The following PTER variants were observed in gnomAD, a reference collection of about 807,000 sequenced individuals.
The protein encoded by PTER is N-acetyltaurine hydrolase.
Under a neutral mutation model 29.6 loss-of-function variants are expected in PTER, and 38 were observed. The ratio of observed to expected loss-of-function variants is 1.28; its 90% CI spans 0.99 to 1.68. The LOEUF (loss-of-function observed/expected upper bound fraction) is 1.68, where lower values mean the gene tolerates loss of function less well. Ranked by LOEUF, PTER falls within the 40% of genes most tolerant of loss-of-function variation. The probability of loss-of-function intolerance (pLI) is 0.00; values close to 1 mark genes in which losing one functional copy is unlikely to be tolerated. For synonymous variants in PTER, 172 were observed against 154.5 expected (o/e 1.11, Z -0.84); for missense variants, 482 against 427.8 (o/e 1.13, Z -1.12).
At chr10:16,444,315 T>C (rs1467558899) in intron 1 of PTER, among the ~76,000 whole-genome samples, 3 of 151,318 alleles carry the variant, frequency 2.0e-5, no homozygotes. Context: ...TTTGAGACGG[T>C]GTCTTGCTCT....
chr10:16,483,448 G>A (rs539800220), intron 1 of PTER, among the ~76,000 whole-genome samples: 5 of 152,262 alleles, frequency 3.3e-5, no homozygotes, highest in East Asian at 1.9e-4. Context: ...CTATGAAGTC[G>A]TGTGAGTCAG....
intron 1 of PTER, among the ~76,000 whole-genome samples, chr10:16,482,003 A>G (rs1321705450): frequency 6.6e-6 from 1 of 152,216 alleles, no homozygotes; most frequent in Admixed American, 6.5e-5. Context: ...ATTGCCCTGT[A>G]TAGTGCCTGG....
downstream of PTER, chr10:16,514,750 C>G: frequency 3.3e-6 from 5 of 1,493,578 alleles, no homozygotes; most frequent in Non-Finnish European, 4.6e-6. Flanking sequence ...AATGAGAATT[C>G]TCAAGTTTTC....
intron 3 of PTER, among the ~76,000 whole-genome samples, chr10:16,503,265 C>CA (rs1458190309): frequency 6.6e-6 from 1 of 151,258 alleles, no homozygotes; most frequent in African/African-American, 2.4e-5. Context: ...CTTGCTCTGT[C>CA]ACCCAGGCTG....
chr10:16,466,547 G>A (rs1834840855), intron 1 of PTER, among the ~76,000 whole-genome samples: 2 of 152,100 alleles, frequency 1.3e-5, no homozygotes, highest in Admixed American at 6.5e-5. Context: ...GTAGAGATGG[G>A]GTCTTGCCAT....
intron 4 of PTER, among the ~76,000 whole-genome samples, chr10:16,510,294 C>T (rs1836762245): frequency 6.6e-6 from 1 of 152,192 alleles, no homozygotes. Flanking sequence ...AGAGAATAGT[C>T]AGGAAGCTGT....
intron 1 of PTER, among the ~76,000 whole-genome samples, chr10:16,444,225 A>T (rs1361156759): frequency 6.6e-6 from 1 of 151,284 alleles, no homozygotes; most frequent in African/African-American, 2.4e-5. Flanking sequence ...CAATCTCTTG[A>T]CTCGTGATCT....
intron 1 of PTER, among the ~76,000 whole-genome samples, chr10:16,449,247 C>T (rs1834117607): frequency 6.6e-6 from 1 of 152,140 alleles, no homozygotes; most frequent in Non-Finnish European, 1.5e-5. Flanking sequence ...CAGGGAGCCA[C>T]TGTGGGGATT....
chr10:16,491,057 G>C (rs1054514124), intron 3 of PTER, among the ~76,000 whole-genome samples: 1 of 151,364 alleles, frequency 6.6e-6, no homozygotes, highest in Non-Finnish European at 1.5e-5. Context: ...TTTCCATTTG[G>C]CTGCAGTTTC....
intron 4 of PTER, among the ~76,000 whole-genome samples, chr10:16,508,348 G>A (rs915911800): frequency 6.6e-6 from 1 of 152,032 alleles, no homozygotes; most frequent in Non-Finnish European, 1.5e-5. Flanking sequence ...GATTACATGT[G>A]TGAGCCACCG....
intron 1 of PTER, among the ~76,000 whole-genome samples, chr10:16,438,077 C>T (rs539495598): frequency 1.3e-5 from 2 of 152,304 alleles, no homozygotes; most frequent in East Asian, 3.9e-4. Flanking sequence ...GCGATCTCGG[C>T]TCACTGCAAC....
intron 1 of PTER, among the ~76,000 whole-genome samples, chr10:16,466,009 A>T (rs1330115737): frequency 6.6e-6 from 1 of 152,072 alleles, no homozygotes; most frequent in African/African-American, 2.4e-5. Flanking sequence ...ATATGTAGGG[A>T]TTATGGGGAT....
chr10:16,487,055 G>A (rs945080372), intron 3 of PTER, among the ~76,000 whole-genome samples: 5 of 152,142 alleles, frequency 3.3e-5, no homozygotes, highest in Non-Finnish European at 5.9e-5. Flanking sequence ...GAAGAAAACC[G>A]CAAATATAAA....
chr10:16,483,474 T>C (rs1019487959), intron 1 of PTER, among the ~76,000 whole-genome samples: 1 of 152,160 alleles, frequency 6.6e-6, no homozygotes, highest in African/African-American at 2.4e-5. Flanking sequence ...TTGTCTTTTG[T>C]TTCTTTATGG....
intron 1 of PTER, among the ~76,000 whole-genome samples, chr10:16,453,593 TATTTC>T (rs1834290485): frequency 6.6e-6 from 1 of 152,234 alleles, no homozygotes; most frequent in Non-Finnish European, 1.5e-5. Context: ...GAAGTATTTT[TATTTC>T]ATGCATCTGT....
chr10:16,455,637 G>A (rs1377373746), intron 1 of PTER, among the ~76,000 whole-genome samples: 1 of 152,174 alleles, frequency 6.6e-6, no homozygotes, highest in Non-Finnish European at 1.5e-5. Flanking sequence ...GCTGCAGTGA[G>A]CCACGATCAT....
intron 1 of PTER, among the ~76,000 whole-genome samples, chr10:16,477,354 T>A (rs570274152): frequency 1.3e-5 from 2 of 152,308 alleles, no homozygotes; most frequent in African/African-American, 2.4e-5. Context: ...ATTTTATTTT[T>A]TTTTTAGAGA....
rs557151513 is a variant in PTER at position 16,444,881 on chromosome 10, G to A, written c.-49+7834G>A. On this transcript the variant is annotated intron_variant, in intron 1 of 4. Transcript: ENST00000535784. ...AAGAATCTTACGTAGTAAATTGGTA[G>A]TCAGAAATATTAGAGGGTTGTTACA... Among the ~76,000 whole-genome samples, 9 of 152,244 alleles carry A rather than the reference G, an allele frequency of 5.9e-5. No homozygotes were observed. In the South Asian group the frequency reaches 1.7e-3, roughly 28 times the overall value.
intron 1 of PTER, among the ~76,000 whole-genome samples, chr10:16,450,949 A>G (rs1396232240): frequency 1.3e-5 from 2 of 152,178 alleles, no homozygotes; most frequent in Non-Finnish European, 2.9e-5. Context: ...CGTTCTCCAT[A>G]CTATTAGAAG....
Sources: allele counts gnomAD v4.1 joint callset (sites outside exome capture counted in the v4.1 genomes callset), GRCh38; gene constraint gnomAD v4.1.1; transcripts MANE v1.5; gene names NCBI Gene and HGNC (gene_info 2026-07-23, HGNC 2026-07-21).